CFAP61: variants seen among roughly 807,000 people sequenced by gnomAD.
CFAP61 encodes cilia and flagella associated protein 61.
In CFAP61, 107 loss-of-function variants were observed where a neutral mutation model predicts 135.6. That is an observed-to-expected ratio of 0.79 (90% CI 0.67 to 0.93). The LOEUF (loss-of-function observed/expected upper bound fraction) is 0.93. CFAP61 is among the 40% of genes least tolerant of loss of function. CFAP61 has a pLI of 0.00. For synonymous variants in CFAP61, 575 were observed against 578.5 expected (o/e 0.99, Z 0.09); for missense variants, 1,507 against 1,556.2 (o/e 0.97, Z 0.53).
Position 20,070,995 on chromosome 20 carries a change from C to T in CFAP61, c.285C>T (p.Ile95=). 2 of 1,613,492 alleles carry T rather than the reference C, an allele frequency of 1.2e-6. No individual in the cohort carries two copies. Among genetic ancestry groups the T allele is most frequent in the Admixed American group, 1.7e-5 (1 of 59,928 alleles). The change falls in exon 3 of 27, where the codon ATC becomes ATT. Residue 95 remains isoleucine (I), a synonymous_variant. Transcript: ENST00000245957. ...VSVFRELDSD[I]PCTPLNTLFM... is the part of the protein sequence containing the mutation. The stretch of plus-strand genomic sequence containing the variant: ...TGTTCCGGGAGCTCGACAGTGACAT[C>T]CCATGCACAGTAAGAAATCACATAC...
At chr20:20,103,686 A>G (rs2048182236) in intron 8 of CFAP61, among the ~76,000 whole-genome samples, 1 of 152,224 alleles carries the variant, frequency 6.6e-6, no homozygotes, top group Non-Finnish European at 1.5e-5. Flanking sequence ...CAGTGACAAT[A>G]AAATGGTTCA....
At chr20:20,137,352 C>T (rs1335876180) in intron 8 of CFAP61, among the ~76,000 whole-genome samples, 1 of 152,198 alleles carries the variant, frequency 6.6e-6, no homozygotes, top group Non-Finnish European at 1.5e-5. Flanking sequence ...TTCCCCTGGC[C>T]CTACAGAGGT....
At chr20:20,342,006 A>C (rs989551262) in intron 26 of CFAP61, 85 bp downstream of exon 26, 8 of 884,034 alleles carry the variant, frequency 9.0e-6, no homozygotes, top group African/African-American at 1.7e-5. Context: ...TTTTCCCTAC[A>C]TTCCCATTTT....
chr20:20,303,482 C>T (rs1181244701), intron 25 of CFAP61, among the ~76,000 whole-genome samples: 1 of 152,164 alleles, frequency 6.6e-6, no homozygotes, highest in Non-Finnish European at 1.5e-5. Flanking sequence ...GAGAGCACCG[C>T]TGTGCCTTGT....
intron 21 of CFAP61, 38 bp downstream of exon 21, chr20:20,263,168 C>A: frequency 1.4e-6 from 2 of 1,473,754 alleles, no homozygotes; most frequent in Non-Finnish European, 9.2e-7. Context: ...TTCAGAATAG[C>A]GTTTTATTTT....
At chr20:20,055,970 C>G in intron 1 of CFAP61, 2 of 1,610,960 alleles carry the variant, frequency 1.2e-6, no homozygotes, top group South Asian at 1.1e-5. Context: ...CAGCATTTCC[C>G]AAAGTGTCCT....
intron 18 of CFAP61, among the ~76,000 whole-genome samples, chr20:20,231,372 A>T (rs985870228): frequency 6.6e-6 from 1 of 152,122 alleles, no homozygotes; most frequent in Non-Finnish European, 1.5e-5. Context: ...CATGCATGGC[A>T]GGCATTTTCC....
chr20:20,052,828 C>T (rs1462803485), intron 1 of CFAP61: 2 of 1,117,722 alleles, frequency 1.8e-6, no homozygotes, highest in African/African-American at 1.6e-5. Context: ...CGAGCTGCCG[C>T]CCTTTTAGGC....
intron 8 of CFAP61, among the ~76,000 whole-genome samples, chr20:20,127,919 A>T (rs758115841): frequency 3.3e-5 from 5 of 151,360 alleles, no homozygotes; most frequent in Non-Finnish European, 7.4e-5. Flanking sequence ...TTGTGTACCT[A>T]GGAGGATTAT....
chr20:20,294,907 C>T (rs932003771), intron 24 of CFAP61, among the ~76,000 whole-genome samples: 11 of 150,146 alleles, frequency 7.3e-5, no homozygotes, highest in Middle Eastern at 7.0e-3. Flanking sequence ...CGCAGTCCGG[C>T]CTGGGCGACA....
chr20:20,271,123 C>T (rs1221281757), intron 21 of CFAP61, among the ~76,000 whole-genome samples: 1 of 152,126 alleles, frequency 6.6e-6, no homozygotes, highest in Admixed American at 6.5e-5. Context: ...AAGACCCCAT[C>T]TCTACAAAAG....
chr20:20,245,027 C>T (rs1404819122), intron 18 of CFAP61, among the ~76,000 whole-genome samples: 4 of 152,230 alleles, frequency 2.6e-5, no homozygotes, highest in African/African-American at 9.6e-5. Flanking sequence ...TCTGAGACCA[C>T]CTCAGCCTGG....
At chr20:20,326,093 A>G (rs926772075) in intron 25 of CFAP61, among the ~76,000 whole-genome samples, 1 of 152,162 alleles carries the variant, frequency 6.6e-6, no homozygotes, top group African/African-American at 2.4e-5. Flanking sequence ...GTCATGCCCA[A>G]CTCAAATGCT....
chr20:20,358,052 G>A (rs1475359392), intron 26 of CFAP61, among the ~76,000 whole-genome samples: 1 of 137,786 alleles, frequency 7.3e-6, no homozygotes, highest in Admixed American at 7.3e-5. Context: ...GGTGGTCATA[G>A]TGTGAGGGGA....
intron 17 of CFAP61, among the ~76,000 whole-genome samples, chr20:20,205,091 G>T (rs2056800671): frequency 6.6e-6 from 1 of 151,908 alleles, no homozygotes; most frequent in Non-Finnish European, 1.5e-5. Flanking sequence ...TTATATAAGT[G>T]TCTATTATAT....
In CFAP61 at chr20:20,360,454, C is replaced by A; in HGVS notation, c.*44C>A. On this transcript the variant is annotated 3_prime_UTR_variant, in exon 27 of 27. Coordinates refer to ENST00000245957, the MANE Select transcript of CFAP61 (RefSeq NM_015585.4). ...CTTTATGGTTTTCATTTATTTAGTT[C>A]CTGGAAACGCGCTCTGTAGAAATAG... 6.5e-7 allele frequency: 1 copy of A among 1,544,314 alleles called. No homozygotes were observed. Among genetic ancestry groups the A allele is most frequent in the Non-Finnish European group, 8.9e-7 (1 of 1,123,428 alleles).
At chr20:20,210,193 C>T (rs116799601) in intron 17 of CFAP61, among the ~76,000 whole-genome samples, 1 of 152,168 alleles carries the variant, frequency 6.6e-6, no homozygotes, top group African/African-American at 2.4e-5. Context: ...TCTCCAAAAT[C>T]TTTGTAGGGA....
intron 13 of CFAP61, among the ~76,000 whole-genome samples, chr20:20,174,947 C>T (rs1257324372): frequency 1.3e-5 from 2 of 152,206 alleles, no homozygotes; most frequent in East Asian, 1.9e-4. Flanking sequence ...CCCCGCGTCC[C>T]CATGGCATTC....
Position 20,104,819 on chromosome 20 carries a change from C to T in CFAP61, c.859+6005C>T, listed in dbSNP as rs185992268. ...GAGGCCTCCCTCCTTGACTTGTAGA[C>T]GGCCATCTTCTCCCCATGTCTTCAC... On this transcript the variant is annotated intron_variant, in intron 8 of 26. Transcript: ENST00000245957. Among the ~76,000 whole-genome samples the T allele has an allele frequency of 4.7e-4, 72 of 152,284 alleles. No individual in the cohort carries two copies. In the East Asian group the frequency reaches 9.7e-3, roughly 20 times the overall value.
Sources: allele counts gnomAD v4.1 joint callset (sites outside exome capture counted in the v4.1 genomes callset), GRCh38; gene constraint gnomAD v4.1.1; transcripts MANE v1.5; gene names NCBI Gene and HGNC (gene_info 2026-07-23, HGNC 2026-07-21).